ZBTB7A: variants seen among roughly 807,000 people sequenced by gnomAD.
ZBTB7A encodes zinc finger and BTB domain containing 7A.
Under a neutral mutation model 26.7 loss-of-function variants are expected in ZBTB7A, and 7 were observed. The observed-to-expected ratio is 0.26, with a 90% CI of 0.15 to 0.49. The LOEUF is 0.49. ZBTB7A is among the 20% of genes least tolerant of loss of function. The probability of loss-of-function intolerance (pLI) is 0.98; values close to 1 mark genes in which losing one functional copy is unlikely to be tolerated. For synonymous variants in ZBTB7A, 452 were observed against 441.0 expected, an observed-to-expected ratio of 1.02 and a Z score of -0.31; for missense variants, 617 against 919.5, an observed-to-expected ratio of 0.67 and a Z score of 4.25.
rs1568240336 is a variant in ZBTB7A at position 4,066,743 on chromosome 19, G to A, written c.-77C>T. The A allele has an allele frequency of 1.3e-5, 2 of 151,530 alleles. No individual in the cohort carries two copies. Among genetic ancestry groups the A allele is most frequent in the African/African-American group, 2.4e-5 (1 of 41,278 alleles). The allele number at this position is 151,530 out of a possible 1,614,324, so 9.4% of individuals were successfully genotyped here. On this transcript the variant is annotated 5_prime_UTR_variant, in exon 1 of 3. Transcript: ENST00000322357. ...CCGAAGTTGGGACTGGGCTCCCTCGGCCGCTCGCCTCCGGGGTCCGCGGCG... is the reference window on the plus strand; with the variant it reads ...CCGAAGTTGGGACTGGGCTCCCTCGACCGCTCGCCTCCGGGGTCCGCGGCG...
intron 1 of ZBTB7A, among the ~76,000 whole-genome samples, chr19:4,063,854 CTGCTCCGAGGCT>C (rs1193146806): frequency 9.2e-5 from 14 of 152,238 alleles, no homozygotes; most frequent in African/African-American, 3.4e-4. Flanking sequence ...GTACCGGCAC[CTGCTCCGAGGCT>C]TGCTCTAACC....
intron 1 of ZBTB7A, among the ~76,000 whole-genome samples, chr19:4,057,545 T>TTTA (rs1296362947): frequency 6.6e-6 from 1 of 151,938 alleles, no homozygotes; most frequent in African/African-American, 2.4e-5. Context: ...ATCCCAGCAC[T>TTTA]TTGAGAGGCC....
At chr19:4,066,033 C>G (rs968623503) in intron 1 of ZBTB7A, among the ~76,000 whole-genome samples, 1 of 148,900 alleles carries the variant, frequency 6.7e-6, no homozygotes, top group Non-Finnish European at 1.5e-5. Context: ...GGGCTGTCGG[C>G]GCGGGGCACC....
chr19:4,064,875 C>T (rs1438859693), intron 1 of ZBTB7A, among the ~76,000 whole-genome samples: 1 of 152,090 alleles, frequency 6.6e-6, no homozygotes, highest in Non-Finnish European at 1.5e-5. Context: ...ATTTAGTGGG[C>T]GCCGACTGGG....
Position 4,054,212 on chromosome 19 carries a change from A to G in ZBTB7A, c.1021T>C (p.Ser341Pro). ...GAAAGDSDEE[S>P]RADDKGVMDY... Reference sequence around the variant, plus strand: ...ATGACGCCCTTGTCGTCGGCCCGCGACTCCTCGTCGCTGTCCCCCGCCGCG... The same window carrying G: ...ATGACGCCCTTGTCGTCGGCCCGCGGCTCCTCGTCGCTGTCCCCCGCCGCG... The change falls in exon 2 of 3, where the codon TCG (serine) becomes CCG (proline). Residue 341 changes from serine to proline, a missense_variant. By Grantham distance (74) the Ser-to-Pro change is moderately conservative. Around this residue, in one of 5 missense-constraint regions of ZBTB7A, gnomAD observed 331 missense variants for 391.3 expected, o/e 0.85. Transcript: ENST00000322357. 1 of 1,584,988 alleles carries G rather than the reference A, an allele frequency of 6.3e-7. No individual in the cohort carries two copies. Among genetic ancestry groups the G allele is most frequent in the South Asian group, 1.1e-5 (1 of 89,860 alleles).
chr19:4,048,154 G>A lies in ZBTB7A; in HGVS notation c.1353C>T (p.Tyr451=), dbSNP rs1203640440. 3.7e-6 allele frequency: 6 copies of A among 1,609,238 alleles called. No individual in the cohort carries two copies. The highest frequency in any genetic ancestry group is 2.7e-5 in the African/African-American group (2 of 74,786). The change falls in exon 3 of 3, where the codon TAC becomes TAT. Residue 451 remains tyrosine, a synonymous_variant. Coordinates refer to ENST00000322357, the MANE Select transcript of ZBTB7A (RefSeq NM_015898.4). The surrounding 1 kb of genome is among the most constrained non-coding windows in gnomAD (Gnocchi z 6.7). ...QQCGAAFAHN[Y]DLKNHMRVHT... is the part of the protein sequence containing the mutation. ...GCACGCGCATGTGGTTCTTCAGGTC[G>A]TAGTTGTGGGCAAAGGCGGCGCCGC...
chr19:4,048,934 C>T lies in ZBTB7A; in HGVS notation c.1263-690G>A, dbSNP rs1325423286. 1.3e-5 allele frequency among the ~76,000 whole-genome samples: 2 copies of T among 148,596 alleles called. No homozygotes were observed. Among genetic ancestry groups the T allele is most frequent in the African/African-American group, 2.5e-5 (1 of 40,328 alleles). ...TGGAGGTTGCAGTGAGCCCAGATCA[C>T]GCCACTGCCCTCCAACCTCGGTGAC... is the stretch of plus-strand genomic sequence containing the variant. On this transcript the variant is annotated intron_variant, in intron 2 of 2. Transcript: ENST00000322357. This position sits in a 1 kb window ranked among gnomAD's most constrained non-coding sequence, Gnocchi z 6.7.
At chr19:4,065,266 C>T (rs2040682017) in intron 1 of ZBTB7A, among the ~76,000 whole-genome samples, 1 of 150,054 alleles carries the variant, frequency 6.7e-6, no homozygotes, top group South Asian at 2.1e-4. Flanking sequence ...CGGAGCCGGA[C>T]GGCCGTCCGG....
Position 4,057,289 on chromosome 19 carries a change from G to A in ZBTB7A, c.-15-2042C>T, listed in dbSNP as rs144407081. Among the ~76,000 whole-genome samples, 572 of 151,344 alleles carry A rather than the reference G, an allele frequency of 3.8e-3. 2 individuals carry two copies. Among genetic ancestry groups the A allele is most frequent in the African/African-American group, 0.013 (549 of 41,200 alleles). On this transcript the variant is annotated intron_variant, in intron 1 of 2. Coordinates refer to ENST00000322357, the MANE Select transcript of ZBTB7A (RefSeq NM_015898.4). ...CTTGAACCCGGGAGGCGGGGGTTGC[G>A]GTGAGATTGCGCCATTGTACTCCAG...
rs1209085062 is a variant in ZBTB7A, at chr19:4,046,671, C to T, written c.*1081G>A. On this transcript the variant is annotated 3_prime_UTR_variant, in exon 3 of 3. Transcript: ENST00000322357. The stretch of plus-strand genomic sequence containing the variant: ...TGGAATTTGTGGATTTTCTCTCTCT[C>T]CCCCCATCCCTGCCATCACCAGACC... 6.7e-6 allele frequency: 1 copy of T among 149,390 alleles called. No individual in the cohort carries two copies. The highest frequency in any genetic ancestry group is 2.5e-5 in the African/African-American group (1 of 40,672). 9.3% of individuals were successfully genotyped at this position (149,390 alleles called of 1,614,324 possible).
chr19:4,057,891 C>T (rs964729455), intron 1 of ZBTB7A, among the ~76,000 whole-genome samples: 5 of 152,176 alleles, frequency 3.3e-5, no homozygotes, highest in Non-Finnish European at 7.4e-5. Flanking sequence ...GCCACTTGCC[C>T]GAGGCCCCAC....
At chr19:4,055,715 C>G (rs1019775291) in intron 1 of ZBTB7A, among the ~76,000 whole-genome samples, 22 of 152,020 alleles carry the variant, frequency 1.4e-4, no homozygotes, top group Non-Finnish European at 8.8e-5. Flanking sequence ...TCCAGCTACT[C>G]GGGAGGCTGA....
In ZBTB7A at chr19:4,048,284, GGGGACCCCCGATCCCCGCCCA is replaced by G; in HGVS notation, c.1263-61_1263-41del. 1 of 1,523,646 alleles carries G rather than the reference GGGGACCCCCGATCCCCGCCCA, an allele frequency of 6.6e-7. No individual in the cohort carries two copies. Among genetic ancestry groups the G allele is most frequent in the Non-Finnish European group, 8.7e-7 (1 of 1,144,900 alleles). 94.4% of individuals were successfully genotyped at this position (1,523,646 alleles called of 1,614,324 possible). On this transcript the variant is annotated intron_variant, in intron 2 of 2. Transcript: ENST00000322357. This position sits in a 1 kb window ranked among gnomAD's most constrained non-coding sequence, Gnocchi z 6.7. The stretch of plus-strand genomic sequence containing the variant: ...CGGGGCGGGCACGGTCAGTGGGGCC[GGGGACCCCCGATCCCCGCCCA>G]GGGACCCTCACGGACACGGCAGGCC...
intron 1 of ZBTB7A, among the ~76,000 whole-genome samples, chr19:4,056,737 C>G (rs980822168): frequency 5.9e-5 from 9 of 152,084 alleles, no homozygotes; most frequent in African/African-American, 1.9e-4. Flanking sequence ...CGTGATGGCA[C>G]GTGCCTGTAA....
At position 4,045,144 on chromosome 19, in the gene ZBTB7A, C is replaced by CCTTGTTCCTA. The variant is rs1478200854; in HGVS notation, c.*2598_*2607dup. 1 of 152,116 alleles carries CCTTGTTCCTA rather than the reference C, an allele frequency of 6.6e-6. No homozygotes were observed. Among genetic ancestry groups the CCTTGTTCCTA allele is most frequent in the Non-Finnish European group, 1.5e-5 (1 of 68,028 alleles). The allele number at this position is 152,116 out of a possible 1,614,324, so 9.4% of individuals were successfully genotyped here. Reference sequence around the variant, plus strand: ...TGTAAGTGTCGCGGTGGGCCGCAGCCCTTGTTCCTACGGAAGTCCCAGAGG... The same window carrying CCTTGTTCCTA: ...TGTAAGTGTCGCGGTGGGCCGCAGCCCTTGTTCCTACTTGTTCCTACGGAAGTCCCAGAGG... On this transcript the variant is annotated 3_prime_UTR_variant, in exon 3 of 3. Coordinates refer to ENST00000322357, the MANE Select transcript of ZBTB7A (RefSeq NM_015898.4). This position sits in a 1 kb window ranked among gnomAD's most constrained non-coding sequence, Gnocchi z 4.1.
chr19:4,053,549 T>G (rs2040529070), intron 2 of ZBTB7A, among the ~76,000 whole-genome samples: 1 of 147,892 alleles, frequency 6.8e-6, no homozygotes, highest in South Asian at 2.2e-4. Context: ...ATGTGATGTG[T>G]ATGTGGTGTG....
intron 2 of ZBTB7A, among the ~76,000 whole-genome samples, chr19:4,053,056 C>G (rs1168580423): frequency 3.3e-5 from 5 of 152,230 alleles, no homozygotes; most frequent in African/African-American, 1.2e-4. Context: ...CCTGGGCTGT[C>G]CCTCCCTAAG....
chr19:4,055,808 G>A (rs2040571589), intron 1 of ZBTB7A, among the ~76,000 whole-genome samples: 2 of 152,102 alleles, frequency 1.3e-5, no homozygotes, highest in Admixed American at 1.3e-4. Flanking sequence ...GGGCAACAGA[G>A]CAAGACTCCA....
Position 4,046,340 on chromosome 19 carries a change from G to T in ZBTB7A, c.*1412C>A. The T allele has an allele frequency of 6.0e-6, 2 of 330,946 alleles. No homozygotes were observed. The highest frequency in any genetic ancestry group is 5.4e-6 in the Non-Finnish European group (1 of 184,922). 20.5% of individuals were successfully genotyped at this position (330,946 alleles called of 1,614,324 possible). ...CAGAAGTGGATTCTACGTTTGTGGTGGGTTTTTTTTTTTATTATTTTGTAC... is the reference window on the plus strand; with the variant it reads ...CAGAAGTGGATTCTACGTTTGTGGTTGGTTTTTTTTTTTATTATTTTGTAC... On this transcript the variant is annotated 3_prime_UTR_variant, in exon 3 of 3. Transcript: ENST00000322357.
Sources: allele counts gnomAD v4.1 joint callset (sites outside exome capture counted in the v4.1 genomes callset), GRCh38; gene constraint gnomAD v4.1.1; regional missense constraint gnomAD v4.1.1; non-coding constraint Gnocchi (gnomAD v3.1); transcripts MANE v1.5; gene names NCBI Gene and HGNC (gene_info 2026-07-23, HGNC 2026-07-21).